Variants in FCER1A observed in about 807,000 individuals in gnomAD.
FCER1A encodes Fc epsilon receptor Ia.
In FCER1A, 24 loss-of-function variants were observed where a neutral mutation model predicts 23.6. The ratio of observed to expected loss-of-function variants is 1.02; its 90% confidence interval spans 0.74 to 1.43. The LOEUF (loss-of-function observed/expected upper bound fraction) is 1.43, where lower values mean the gene tolerates loss of function less well. Ranked by LOEUF, FCER1A falls within the 40% of genes most tolerant of loss-of-function variation. The pLI is 0.00. For synonymous variants in FCER1A, 121 were observed against 108.8 expected (o/e 1.11, Z -0.70); for missense variants, 318 against 294.5 (o/e 1.08, Z -0.58).
In FCER1A at chr1:159,303,905, T is replaced by C. The variant is rs771510339; in HGVS notation, c.77-23T>C. 146 of 1,593,960 alleles carry C rather than the reference T, an allele frequency of 9.2e-5. No individual in the cohort carries two copies. In the South Asian group the frequency reaches 1.0e-3, roughly 11 times the overall value. On this transcript the variant is annotated intron_variant, in intron 2 of 4. Transcript: ENST00000693622. Reference sequence around the variant, plus strand: ...GACTTTTTTTCTCTCTACATGTCTTTTCATATTTTTATCTTCTTGAAGTCC... The same window carrying C: ...GACTTTTTTTCTCTCTACATGTCTTCTCATATTTTTATCTTCTTGAAGTCC...
chr1:159,293,202 A>G (rs78444676), intron 1 of FCER1A, among the ~76,000 whole-genome samples: 42 of 122,128 alleles, frequency 3.4e-4, no homozygotes, highest in South Asian at 1.1e-3. Context: ...GTGTGTGTGT[A>G]TGTGCATTCT....
At chr1:159,300,301 C>G (rs755053365), upstream of FCER1A, among the ~76,000 whole-genome samples, 4 of 152,046 alleles carry the variant, frequency 2.6e-5, no homozygotes, top group Admixed American at 2.6e-4. Context: ...CTATTTGAGT[C>G]ATGGTAAAAT....
At chr1:159,293,330 T>G (rs1652208445) in intron 1 of FCER1A, among the ~76,000 whole-genome samples, 2 of 152,080 alleles carry the variant, frequency 1.3e-5, no homozygotes, top group African/African-American at 4.8e-5. Context: ...TCTCGTTTTA[T>G]GCCATTGGCC....
chr1:159,288,627 T>A (rs1187763894), upstream of FCER1A, among the ~76,000 whole-genome samples: 3 of 152,228 alleles, frequency 2.0e-5, no homozygotes, highest in African/African-American at 7.2e-5. Context: ...CAGTATGTGA[T>A]TAACCTAAAT....
At chr1:159,304,400 G>A (rs914236599) in intron 3 of FCER1A, among the ~76,000 whole-genome samples, 12 of 152,052 alleles carry the variant, frequency 7.9e-5, no homozygotes, top group Admixed American at 7.2e-4. Flanking sequence ...AGGAGATCGA[G>A]ACCATCCGGC....
At chr1:159,293,594 C>T (rs1244738485) in intron 1 of FCER1A, among the ~76,000 whole-genome samples, 4 of 133,032 alleles carry the variant, frequency 3.0e-5, no homozygotes, top group African/African-American at 8.6e-5. Context: ...CTTCCTGTGT[C>T]CATGTGTTCT....
chr1:159,304,321 G>C (rs974049592), intron 3 of FCER1A, 139 bp downstream of exon 3: 2 of 799,838 alleles, frequency 2.5e-6, no homozygotes, highest in African/African-American at 3.5e-5. Flanking sequence ...CCCTGCATTG[G>C]CTGGGCACAG....
chr1:159,301,540 G>C (rs1008842316), upstream of FCER1A, among the ~76,000 whole-genome samples: 5 of 152,198 alleles, frequency 3.3e-5, no homozygotes, highest in African/African-American at 1.2e-4. Context: ...CTGCCTTCCT[G>C]TGTTCTGAGC....
In FCER1A at chr1:159,303,849, T is replaced by C. The variant is rs2102230676; in HGVS notation, c.77-79T>C. 2.7e-6 allele frequency: 3 copies of C among 1,102,668 alleles called. No homozygotes were observed. In the East Asian group the frequency reaches 7.1e-5, roughly 26 times the overall value. 68.3% of individuals were successfully genotyped at this position (1,102,668 alleles called of 1,614,324 possible). A position where few individuals can be genotyped will look rare whatever the true frequency, so the allele number is the denominator to read the frequency against. ...CACTGATTGTCAGAATATTGCTTCG[T>C]TTGTACTTTTAAGCCTAGACAGTTT... On this transcript the variant is annotated intron_variant, in intron 2 of 4. Coordinates refer to ENST00000693622, the MANE Select transcript of FCER1A (RefSeq NM_001387280.1).
At chr1:159,301,872 A>G (rs1272134847), upstream of FCER1A, among the ~76,000 whole-genome samples, 1 of 152,252 alleles carries the variant, frequency 6.6e-6, no homozygotes, top group East Asian at 1.9e-4. Context: ...CCTCACTAAG[A>G]TTCAGTTTTC....
chr1:159,295,220 G>A (rs1488251561), intron 1 of FCER1A, among the ~76,000 whole-genome samples: 2 of 152,068 alleles, frequency 1.3e-5, no homozygotes, highest in African/African-American at 4.8e-5. Context: ...GATAAAGAGG[G>A]TTGTTCTGTG....
At chr1:159,289,124 C>T (rs1375151288), upstream of FCER1A, among the ~76,000 whole-genome samples, 2 of 152,288 alleles carry the variant, frequency 1.3e-5, no homozygotes, top group Non-Finnish European at 2.9e-5. Context: ...CTGCTTCCAA[C>T]TCCTTTCTTT....
rs1652669158 is a variant in FCER1A, at chr1:159,308,005, A to G, written c.*73A>G. 9.0e-7 allele frequency: 1 copy of G among 1,108,554 alleles called. No individual in the cohort carries two copies. Among genetic ancestry groups the G allele is most frequent in the African/African-American group, 1.6e-5 (1 of 64,094 alleles). The allele number at this position is 1,108,554 out of a possible 1,614,324, so 68.7% of individuals were successfully genotyped here. A position where few individuals can be genotyped will look rare whatever the true frequency, so the allele number is the denominator to read the frequency against. On this transcript the variant is annotated 3_prime_UTR_variant, in exon 5 of 5. Coordinates refer to ENST00000693622, the MANE Select transcript of FCER1A (RefSeq NM_001387280.1). ...AGCAATTGCTACTCAATTGTCAAACACAGCTTGCAATATACATAGAAACGT... is the reference window on the plus strand; with the variant it reads ...AGCAATTGCTACTCAATTGTCAAACGCAGCTTGCAATATACATAGAAACGT...
chr1:159,297,674 T>C (rs1652327783), upstream of FCER1A, among the ~76,000 whole-genome samples: 1 of 152,196 alleles, frequency 6.6e-6, no homozygotes, highest in Non-Finnish European at 1.5e-5. Context: ...TTGCACTTAA[T>C]TTCTTTAAAT....
upstream of FCER1A, among the ~76,000 whole-genome samples, chr1:159,297,578 A>G (rs1304886755): frequency 1.3e-5 from 2 of 152,242 alleles, no homozygotes; most frequent in Non-Finnish European, 2.9e-5. Flanking sequence ...TTTACTGGTG[A>G]GAAGGCTGAG....
chr1:159,298,291 A>G (rs561121756), upstream of FCER1A, among the ~76,000 whole-genome samples: 1 of 152,052 alleles, frequency 6.6e-6, no homozygotes, highest in African/African-American at 2.4e-5. Flanking sequence ...TCCAAATCTC[A>G]TGTTGAAATG....
At chr1:159,302,739 ACGGTTGGTC>A in intron 1 of FCER1A, 106 bp from the exon 2 acceptor site, 1 of 920,284 alleles carries the variant, frequency 1.1e-6, no homozygotes, top group Non-Finnish European at 1.8e-6. Context: ...TCCTGAAAAG[ACGGTTGGTC>A]CTTAAAATTC....
chr1:159,296,350 T>C (rs370486996), intron 1 of FCER1A, among the ~76,000 whole-genome samples: 37 of 152,152 alleles, frequency 2.4e-4, no homozygotes, highest in African/African-American at 8.9e-4. Context: ...GAAATAACAT[T>C]ATAATAGGAA....
chr1:159,286,223 A>T (rs1652012251), upstream of FCER1A, among the ~76,000 whole-genome samples: 1 of 152,094 alleles, frequency 6.6e-6, no homozygotes, highest in Non-Finnish European at 1.5e-5. Flanking sequence ...AATAAAATTT[A>T]AATGCATGCA....
Sources: allele counts gnomAD v4.1 joint callset (sites outside exome capture counted in the v4.1 genomes callset), GRCh38; gene constraint gnomAD v4.1.1; transcripts MANE v1.5; gene names NCBI Gene and HGNC (gene_info 2026-07-23, HGNC 2026-07-21).